NFIB: variants seen among roughly 807,000 people sequenced by gnomAD.
NFIB encodes the protein nuclear factor I B.
Under a neutral mutation model 61.5 loss-of-function variants are expected in NFIB, and 11 were observed. The ratio of observed to expected loss-of-function variants is 0.18; its 90% confidence interval spans 0.11 to 0.30. The LOEUF (loss-of-function observed/expected upper bound fraction) is 0.30. NFIB is among the 10% of genes least tolerant of loss of function. The pLI, the probability that NFIB is intolerant of heterozygous loss-of-function variation, is 1.00. For synonymous variants in NFIB, 260 were observed against 216.5 expected (o/e 1.20, Z -1.76); for missense variants, 471 against 608.9 (o/e 0.77, Z 2.38).
intron 10 of NFIB, among the ~76,000 whole-genome samples, chr9:14,104,643 C>T (rs1465147903): frequency 2.6e-5 from 4 of 151,456 alleles, no homozygotes; most frequent in Admixed American, 1.3e-4. Flanking sequence ...TTCACTGGTA[C>T]GATCATGGTT....
chr9:14,123,646 G>GGCTTCATCT (rs2039237659), intron 7 of NFIB, among the ~76,000 whole-genome samples: 2 of 152,190 alleles, frequency 1.3e-5, no homozygotes, highest in Admixed American at 6.5e-5. Flanking sequence ...GCAGTTGCCT[G>GGCTTCATCT]CTGCAATGGC....
chr9:14,254,985 G>A (rs957520895), intron 2 of NFIB, among the ~76,000 whole-genome samples: 6 of 152,074 alleles, frequency 3.9e-5, no homozygotes, highest in Non-Finnish European at 8.8e-5. Flanking sequence ...AATAACCTTC[G>A]CTAAGTCAGG....
the NFIB span, among the ~76,000 whole-genome samples, chr9:14,448,914 G>C: frequency 1.3e-5 from 2 of 152,174 alleles, no homozygotes; most frequent in Non-Finnish European, 2.9e-5. Flanking sequence ...GAGATAGAGG[G>C]ATATGCATAC....
In NFIB at chr9:14,213,025, A is replaced by G. The variant is rs567073402; in HGVS notation, c.563-33245T>C. ...ATATGCATCACATATAAAATGTGAT[A>G]AAATCAAAAATTATACATCAATCAT... On this transcript the variant is annotated intron_variant, in intron 2 of 10. Transcript: ENST00000380953. 3.9e-5 allele frequency among the ~76,000 whole-genome samples: 6 copies of G among 152,370 alleles called. No individual in the cohort carries two copies. The South Asian group carries it at 1.2e-3, about 32-fold the overall frequency.
At chr9:14,464,330 A>G in the NFIB span, among the ~76,000 whole-genome samples, 1 of 152,208 alleles carries the variant, frequency 6.6e-6, no homozygotes, top group Non-Finnish European at 1.5e-5. Context: ...CAGAGACCTC[A>G]AATTGTAAAC....
At position 14,313,739 on chromosome 9, in the gene NFIB, C is replaced by A. The variant is rs2060402194; in HGVS notation, c.-228G>T. On this transcript the variant is annotated 5_prime_UTR_variant, in exon 1 of 11. Transcript: ENST00000380953. This position sits in a 1 kb window ranked among gnomAD's most constrained non-coding sequence, Gnocchi z 4.5. ...TTCCAGGGGTGAAATCCAATCTACA[C>A]TTTTAACCCTCTTGCAGTCCGAGCG... The A allele has an allele frequency of 7.2e-7, 1 of 1,393,882 alleles. No homozygotes were observed. Among genetic ancestry groups the A allele is most frequent in the East Asian group, 2.8e-5 (1 of 36,148 alleles). The allele number at this position is 1,393,882 out of a possible 1,614,324, so 86.3% of individuals were successfully genotyped here.
In NFIB at chr9:14,372,398, A is replaced by C. The variant is rs1040964838; in HGVS notation, c.108+26126T>G. ...GAAGAGAGGGCATTATACAGAATTT[A>C]TATAAGATCTAAACCACTGATCGAA... On this transcript the variant is annotated intron_variant, in intron 1 of 8. Coordinates refer to the NFIB transcript ENST00000380934. Among the ~76,000 whole-genome samples, 5 of 152,338 alleles carry C rather than the reference A, an allele frequency of 3.3e-5. No homozygotes were observed. In the South Asian group the frequency reaches 1.0e-3, roughly 32 times the overall value.
chr9:14,144,358 A>G (rs894618221), intron 6 of NFIB, among the ~76,000 whole-genome samples: 3 of 152,176 alleles, frequency 2.0e-5, no homozygotes, highest in African/African-American at 7.2e-5. Flanking sequence ...AATCTTCTCC[A>G]GAAGAATTTT....
chr9:14,444,204 G>GAGGC, the NFIB span, among the ~76,000 whole-genome samples: 1 of 152,202 alleles, frequency 6.6e-6, no homozygotes, highest in South Asian at 2.1e-4. Flanking sequence ...ACTCACAAGA[G>GAGGC]AGGCTTAGGG....
At position 14,170,262 on chromosome 9, in the gene NFIB, T is replaced by A. The variant is rs1359614762; in HGVS notation, c.616+9465A>T. On this transcript the variant is annotated intron_variant, in intron 3 of 10. Transcript: ENST00000380953. The stretch of plus-strand genomic sequence containing the variant: ...ATGCTTTGCATTATTAAATTGTAGC[T>A]GTATGTGGCAAAAGCAGATCTTGTA... Among the ~76,000 whole-genome samples, 4 of 152,272 alleles carry A rather than the reference T, an allele frequency of 2.6e-5. No individual in the cohort carries two copies. In the East Asian group the frequency reaches 7.7e-4, roughly 29 times the overall value.
intron 2 of NFIB, among the ~76,000 whole-genome samples, chr9:14,246,733 T>C (rs2054972968): frequency 6.6e-6 from 1 of 152,210 alleles, no homozygotes; most frequent in South Asian, 2.1e-4. Flanking sequence ...GCTAACAGGC[T>C]AGAGTGAAAT....
intron 2 of NFIB, chr9:14,205,003 CA>C: frequency 3.7e-6 from 1 of 269,138 alleles, no homozygotes; most frequent in Non-Finnish European, 7.4e-6. Context: ...TTGCCAAGCT[CA>C]AAAGGCAAAA....
At chr9:14,446,526 C>CA in the NFIB span, among the ~76,000 whole-genome samples, 1 of 152,160 alleles carries the variant, frequency 6.6e-6, no homozygotes, top group African/African-American at 2.4e-5. Context: ...ACTCTACTGT[C>CA]AAACTCATCC....
At chr9:14,527,477 G>C in the NFIB span, among the ~76,000 whole-genome samples, 2 of 152,118 alleles carry the variant, frequency 1.3e-5, no homozygotes, top group South Asian at 4.1e-4. Flanking sequence ...ATCTGCAAAG[G>C]TATTATAATA....
chr9:14,411,016 C>T, the NFIB span, among the ~76,000 whole-genome samples: 1 of 151,986 alleles, frequency 6.6e-6, no homozygotes, highest in East Asian at 1.9e-4. Flanking sequence ...TTTACCAAAC[C>T]CCACAATTGA....
At chr9:14,485,121 A>G in the NFIB span, among the ~76,000 whole-genome samples, 1 of 152,220 alleles carries the variant, frequency 6.6e-6, no homozygotes, top group Admixed American at 6.5e-5. Context: ...CCAAGTAGGT[A>G]TTTGACCCTA....
chr9:14,255,923 T>C lies in NFIB; in HGVS notation c.562+51066A>G, dbSNP rs150525381. Among the ~76,000 whole-genome samples, 1,146 of 152,316 alleles carry C rather than the reference T, an allele frequency of 7.5e-3. 15 individuals carry two copies. Among genetic ancestry groups the C allele is most frequent in the African/African-American group, 0.025 (1,055 of 41,570 alleles). ...AGTATTACTGAAGCGCAAAACACCA[T>C]GCTAGCATAGTATTAGTGAAATACA... On this transcript the variant is annotated intron_variant, in intron 2 of 10. Coordinates refer to ENST00000380953, the MANE Select transcript of NFIB (RefSeq NM_001190737.2).
Position 14,313,542 on chromosome 9 carries a change from A to C in NFIB, c.-31T>G. On this transcript the variant is annotated 5_prime_UTR_variant, in exon 1 of 11. Coordinates refer to ENST00000380953, the MANE Select transcript of NFIB (RefSeq NM_001190737.2). This position sits in a 1 kb window ranked among gnomAD's most constrained non-coding sequence, Gnocchi z 4.5. Reference sequence around the variant, plus strand: ...CGCCTTAAAACGCACTTTCCGGGAGATGCCCAAGAAAATCTTCGAGAAGCA... The same window carrying C: ...CGCCTTAAAACGCACTTTCCGGGAGCTGCCCAAGAAAATCTTCGAGAAGCA... 1 of 1,613,336 alleles carries C rather than the reference A, an allele frequency of 6.2e-7. No individual in the cohort carries two copies. The highest frequency in any genetic ancestry group is 1.3e-5 in the African/African-American group (1 of 74,996).
rs180693836 is a variant in NFIB at position 14,364,140 on chromosome 9, C to T, written c.108+34384G>A. Among the ~76,000 whole-genome samples the T allele has an allele frequency of 1.4e-3, 213 of 152,252 alleles. 1 individual carries two copies. Among genetic ancestry groups the T allele is most frequent in the Middle Eastern group, 3.4e-3 (1 of 294 alleles). On this transcript the variant is annotated intron_variant, in intron 1 of 8. Transcript: ENST00000380934. ...TTTTAATAGCTATTGCCAAATTGCC[C>T]TCCAATAATTTTATACCCATTTACA...
Sources: gnomAD v4.1 joint callset for allele counts (sites outside exome capture counted in the v4.1 genomes callset) on GRCh38, gnomAD v4.1.1 for gene constraint, Gnocchi (gnomAD v3.1) non-coding constraint, MANE v1.5 for transcripts, NCBI Gene and HGNC (gene_info 2026-07-23, HGNC 2026-07-21) for gene names.